The following ATP5F1E variants were observed in gnomAD, a reference collection of about 807,000 sequenced individuals.
The protein encoded by ATP5F1E is ATP synthase F(1) complex subunit epsilon, mitochondrial.
A neutral mutation model predicts 7.0 loss-of-function variants in ATP5F1E; 5 were observed. The ratio of observed to expected loss-of-function variants is 0.71; its 90% CI spans 0.37 to 1.49. The LOEUF is 1.49. ATP5F1E is among the 40% of genes most tolerant of loss of function. The pLI, the probability that ATP5F1E is intolerant of heterozygous loss-of-function variation, is 0.03. For missense variants in ATP5F1E, 59 were observed against 57.1 expected (o/e 1.03, Z -0.11); for synonymous variants, 20 against 20.1 (o/e 0.99, Z 0.02).
intron 1 of ATP5F1E, 106 bp downstream of exon 1, chr20:59,032,114 C>A (rs981985368): frequency 8.1e-6 from 12 of 1,480,154 alleles, no homozygotes; most frequent in African/African-American, 1.4e-5. Flanking sequence ...TTGGCCCAAC[C>A]CCGGTCACGC....
Position 59,030,448 on chromosome 20 carries a change from A to C in ATP5F1E, c.33-19T>G, listed in dbSNP as rs769081837. On this transcript the variant is annotated intron_variant, in intron 1 of 2. Coordinates refer to ENST00000243997, the MANE Select transcript of ATP5F1E (RefSeq NM_006886.4). ...GATGTAGCTGGGAGAAAATGAGAGA[A>C]GGTATATGGTTAATTATCAATATTC... 1 of 1,613,174 alleles carries C rather than the reference A, an allele frequency of 6.2e-7. No homozygotes were observed. Among genetic ancestry groups the C allele is most frequent in the Middle Eastern group, 1.7e-4 (1 of 6,052 alleles).
chr20:59,031,223 G>A (rs79900500), intron 1 of ATP5F1E, among the ~76,000 whole-genome samples: 3 of 152,124 alleles, frequency 2.0e-5, no homozygotes, highest in African/African-American at 4.8e-5. Flanking sequence ...GTGACCTTCA[G>A]GCTGTTCAAC....
rs587780857 is a variant in ATP5F1E at position 59,032,258 on chromosome 20, G to C, written c.-7C>G. The C allele has an allele frequency of 2.1e-4, 333 of 1,601,464 alleles. No homozygotes were observed. The highest frequency in any genetic ancestry group is 2.7e-4 in the Non-Finnish European group (320 of 1,174,756). On this transcript the variant is annotated 5_prime_UTR_variant, in exon 1 of 3. Transcript: ENST00000243997. Reference sequence around the variant, plus strand: ...GTCTCCAGTAGGCCACCATGCTGTAGCGAAAGCGGAGCTCGTCGGGCCGAA... The same window carrying C: ...GTCTCCAGTAGGCCACCATGCTGTACCGAAAGCGGAGCTCGTCGGGCCGAA...
chr20:59,031,373 A>G (rs2092027875), intron 1 of ATP5F1E, among the ~76,000 whole-genome samples: 1 of 152,228 alleles, frequency 6.6e-6, no homozygotes, highest in African/African-American at 2.4e-5. Context: ...AATAAACGGT[A>G]TCTACTACTG....
chr20:59,025,600 G>C lies in ATP5F1E; in HGVS notation c.*3245C>G, dbSNP rs10485828. 0.13 allele frequency: 20,472 copies of C among 152,172 alleles called. 1,770 individuals are homozygous for C. The highest frequency in any genetic ancestry group is 0.19 in the South Asian group (922 of 4,830). 9.4% of individuals were successfully genotyped at this position (152,172 alleles called of 1,614,324 possible). On this transcript the variant is annotated 3_prime_UTR_variant, in exon 3 of 3. Coordinates refer to ENST00000243997, the MANE Select transcript of ATP5F1E (RefSeq NM_006886.4). ...AATCATCCTTGGCTTTCCTTTTAAA[G>C]GCTATTTTGAAATGGTCTTTTCACT...
Position 59,030,243 on chromosome 20 carries a change from C to A in ATP5F1E, c.*3+60G>T, listed in dbSNP as rs568248662. On this transcript the variant is annotated intron_variant, in intron 2 of 2. Coordinates refer to ENST00000243997, the MANE Select transcript of ATP5F1E (RefSeq NM_006886.4). ...AACCCAAAACTAAAATTATTTTGAT[C>A]TTTATGGTGCTCCAAAAACTTAAGA... 1.1e-5 allele frequency: 17 copies of A among 1,600,480 alleles called. 1 individual carries two copies. In the South Asian group the frequency reaches 1.2e-4, roughly 11 times the overall value.
At position 59,032,335 on chromosome 20, in the gene ATP5F1E, G is replaced by A; in HGVS notation, c.-84C>T. 6.5e-7 allele frequency: 1 copy of A among 1,536,574 alleles called. No homozygotes were observed. The highest frequency in any genetic ancestry group is 8.8e-7 in the Non-Finnish European group (1 of 1,132,984). On this transcript the variant is annotated 5_prime_UTR_variant, in exon 1 of 3. Coordinates refer to ENST00000243997, the MANE Select transcript of ATP5F1E (RefSeq NM_006886.4). ...CAGCCGGGCGGTTCAGCCGCAGGAA[G>A]ATCAGACCACAGAAGCGGAAGAGGC...
At chr20:59,032,058 A>G (rs556794445) in intron 1 of ATP5F1E, among the ~76,000 whole-genome samples, 162 bp downstream of exon 1, 4 of 152,066 alleles carry the variant, frequency 2.6e-5, no homozygotes, top group Non-Finnish European at 4.4e-5. Context: ...CGCCCGCCTG[A>G]GCGCTTTGCC....
intron 2 of ATP5F1E, chr20:59,029,172 G>A (rs1035413686): frequency 6.6e-6 from 1 of 152,154 alleles, no homozygotes; most frequent in African/African-American, 2.4e-5. Flanking sequence ...TAAGGGGATC[G>A]GACACTACTT....
At chr20:59,031,970 G>GT (rs1170244068) in intron 1 of ATP5F1E, among the ~76,000 whole-genome samples, 1 of 152,262 alleles carries the variant, frequency 6.6e-6, no homozygotes, top group African/African-American at 2.4e-5. Context: ...GGTGTCCAGG[G>GT]GCACTCTGTG....
intron 1 of ATP5F1E, among the ~76,000 whole-genome samples, chr20:59,031,634 A>G (rs1309882424): frequency 6.6e-6 from 1 of 152,208 alleles, no homozygotes; most frequent in African/African-American, 2.4e-5. Flanking sequence ...AGTGGGTTCC[A>G]TATTTGAGCT....
chr20:59,029,927 T>C (rs1044082980), intron 2 of ATP5F1E: 6 of 275,588 alleles, frequency 2.2e-5, no homozygotes, highest in Admixed American at 1.0e-4. Flanking sequence ...ACTGTAGTTT[T>C]TCATGCTCTT....
rs1377480716 is a variant in ATP5F1E, at chr20:59,030,392, TCA to T, written c.68_69del (p.Val23GlufsTer13). ...TTGAATTCTGTCTTCAGTGCATCTC[TCA>T]CTGCTTTTGCACAGATCTGGGAGTA... ...IRYSQICAKA[V>X]RDALKTEFKA... On this transcript the variant is annotated frameshift_variant, in exon 2 of 3. Coordinates refer to ENST00000243997, the MANE Select transcript of ATP5F1E (RefSeq NM_006886.4). LOFTEE classifies it high-confidence loss of function. 3 of 1,613,970 alleles carry T rather than the reference TCA, an allele frequency of 1.9e-6. No homozygotes were observed. Among genetic ancestry groups the T allele is most frequent in the Non-Finnish European group, 2.5e-6 (3 of 1,179,872 alleles).
chr20:59,030,115 A>C (rs1461591706), intron 2 of ATP5F1E, 188 bp downstream of exon 2: 2 of 578,262 alleles, frequency 3.5e-6, no homozygotes, highest in Non-Finnish European at 2.8e-6. Flanking sequence ...GGGCCCAAGA[A>C]GACTTTCTTT....
Position 59,027,565 on chromosome 20 carries a change from A to C in ATP5F1E, c.*1280T>G, listed in dbSNP as rs1430935021. On this transcript the variant is annotated 3_prime_UTR_variant, in exon 3 of 3. Transcript: ENST00000243997. ...AAAAGGCCCGATAGCTTTTTGATTCATTTATTCCTGTTCCCTGTAATGGAG... is the reference window on the plus strand; with the variant it reads ...AAAAGGCCCGATAGCTTTTTGATTCCTTTATTCCTGTTCCCTGTAATGGAG... 6.6e-6 allele frequency: 1 copy of C among 152,132 alleles called. No homozygotes were observed. The highest frequency in any genetic ancestry group is 1.5e-5 in the Non-Finnish European group (1 of 68,022). 9.4% of individuals were successfully genotyped at this position (152,132 alleles called of 1,614,324 possible).
intron 2 of ATP5F1E, chr20:59,029,647 T>G (rs1323339759): frequency 6.6e-6 from 1 of 152,404 alleles, no homozygotes; most frequent in Non-Finnish European, 1.5e-5. Flanking sequence ...TTTTATAATG[T>G]GGAACACAAA....
In ATP5F1E at chr20:59,032,173, G is replaced by C. The variant is rs760694205; in HGVS notation, c.32+47C>G. On this transcript the variant is annotated intron_variant, in intron 1 of 2. Transcript: ENST00000243997. Reference sequence around the variant, plus strand: ...GCATGACCTCTGGGCACCGGGATGCGCGCGGGCCGGCTCGCGAAGCCCTTC... The same window carrying C: ...GCATGACCTCTGGGCACCGGGATGCCCGCGGGCCGGCTCGCGAAGCCCTTC... 6 of 1,567,088 alleles carry C rather than the reference G, an allele frequency of 3.8e-6. No individual in the cohort carries two copies. The South Asian group carries it at 7.0e-5, about 18-fold the overall frequency.
Position 59,025,891 on chromosome 20 carries a change from C to G in ATP5F1E, c.*2954G>C, listed in dbSNP as rs888487517. The G allele has an allele frequency of 2.6e-5, 4 of 152,226 alleles. No individual in the cohort carries two copies. The highest frequency in any genetic ancestry group is 9.6e-5 in the African/African-American group (4 of 41,452). 9.4% of individuals were successfully genotyped at this position (152,226 alleles called of 1,614,324 possible). A position where few individuals can be genotyped will look rare whatever the true frequency, so the allele number is the denominator to read the frequency against. ...TCACATTATAACAGGACCAAATACA[C>G]AAGAGCGTAATCAAATCATCTGTAA... is the stretch of plus-strand genomic sequence containing the variant. On this transcript the variant is annotated 3_prime_UTR_variant, in exon 3 of 3. Coordinates refer to ENST00000243997, the MANE Select transcript of ATP5F1E (RefSeq NM_006886.4).
At chr20:59,030,984 C>G (rs187756978) in intron 1 of ATP5F1E, among the ~76,000 whole-genome samples, 143 of 152,326 alleles carry the variant, frequency 9.4e-4, no homozygotes, top group Non-Finnish European at 1.7e-3. Flanking sequence ...CTAAATCAAA[C>G]TGAAAAGTGC....
Sources: allele counts gnomAD v4.1 joint callset (sites outside exome capture counted in the v4.1 genomes callset), GRCh38; gene constraint gnomAD v4.1.1; transcripts MANE v1.5; gene names NCBI Gene and HGNC (gene_info 2026-07-23, HGNC 2026-07-21).